FGF12: variants seen among roughly 807,000 people sequenced by gnomAD.
The protein encoded by FGF12 is fibroblast growth factor 12, also known as fibroblast growth factor 12B.
A neutral mutation model predicts 23.6 loss-of-function variants in FGF12; 14 were observed. That is an observed-to-expected ratio of 0.59 (90% confidence interval 0.39 to 0.93). FGF12 has a LOEUF of 0.93. Ranked by LOEUF, FGF12 falls within the 40% of genes least tolerant of loss-of-function variation. FGF12 has a pLI of 0.00. For missense variants in FGF12, 175 were observed against 217.8 expected (o/e 0.80, Z 1.24); for synonymous variants, 62 against 77.3 (o/e 0.80, Z 1.04).
intron 2 of FGF12, among the ~76,000 whole-genome samples, chr3:192,505,374 GA>G (rs1223252533): frequency 1.3e-5 from 2 of 151,982 alleles, no homozygotes; most frequent in Non-Finnish European, 2.9e-5. Flanking sequence ...AATCCTTTTG[GA>G]AAAAATATAT....
intron 2 of FGF12, among the ~76,000 whole-genome samples, chr3:192,602,233 C>A (rs572823685): frequency 6.6e-6 from 1 of 152,062 alleles, no homozygotes; most frequent in African/African-American, 2.4e-5. Flanking sequence ...ACTTTCTGCT[C>A]AATTTTCCTG....
Position 192,307,965 on chromosome 3 carries a change from A to G in FGF12, c.228+27396T>C, listed in dbSNP as rs146409976. On this transcript the variant is annotated intron_variant, in intron 4 of 5. Transcript: ENST00000445105. ...TCATTTTGTGAAGAATAAGACACCA[A>G]AAATATAGTCTGTTTGTAAATATAG... 3.7e-4 allele frequency among the ~76,000 whole-genome samples: 57 copies of G among 152,346 alleles called. 1 individual carries two copies. In the East Asian group the frequency reaches 0.01, roughly 27 times the overall value.
intron 2 of FGF12, among the ~76,000 whole-genome samples, chr3:192,381,178 G>A (rs565606398): frequency 3.9e-5 from 6 of 152,214 alleles, no homozygotes; most frequent in Admixed American, 1.3e-4. Context: ...GACCTAGGTG[G>A]TTGGACATCT....
intron 2 of FGF12, among the ~76,000 whole-genome samples, chr3:192,516,257 C>A (rs1305791108): frequency 6.6e-6 from 1 of 152,166 alleles, no homozygotes; most frequent in African/African-American, 2.4e-5. Flanking sequence ...AGTGTTCATA[C>A]CAGTGAATTT....
intron 2 of FGF12, among the ~76,000 whole-genome samples, chr3:192,610,803 A>C (rs574722623): frequency 2.0e-5 from 3 of 151,968 alleles, no homozygotes; most frequent in Non-Finnish European, 4.4e-5. Flanking sequence ...GTGTGTGGTC[A>C]TGTCTCAAAA....
chr3:192,538,727 G>T (rs1009509911), intron 2 of FGF12, among the ~76,000 whole-genome samples: 1 of 152,054 alleles, frequency 6.6e-6, no homozygotes, highest in Non-Finnish European at 1.5e-5. Flanking sequence ...CATTGCTTTG[G>T]TCAGTATGAA....
Position 192,252,567 on chromosome 3 carries a change from C to T in FGF12, c.229-81911G>A, listed in dbSNP as rs189662411. Among the ~76,000 whole-genome samples the T allele has an allele frequency of 7.2e-3, 1,087 of 150,256 alleles. 8 individuals carry two copies. The highest frequency in any genetic ancestry group is 9.9e-3 in the Non-Finnish European group (672 of 67,652). ...AAGTCTTCTCCAACTCTACAGTGAC[C>T]GAGGAAATAAAAATGTATGTACCTA... On this transcript the variant is annotated intron_variant, in intron 4 of 5. Transcript: ENST00000445105.
At position 192,167,771 on chromosome 3, in the gene FGF12, AAT is replaced by A. The variant is rs1560175684; in HGVS notation, c.427+2685_427+2686del. Reference sequence around the variant, plus strand: ...TATATATATATATATATATATATAAAATTTTTTTTTTTTTTTTTTTTTGAGAA... The same window carrying A: ...TATATATATATATATATATATATAAATTTTTTTTTTTTTTTTTTTTGAGAA... On this transcript the variant is annotated intron_variant, in intron 5 of 5. Coordinates refer to ENST00000445105, the MANE Select transcript of FGF12 (RefSeq NM_004113.6). Among the ~76,000 whole-genome samples, 91 of 21,322 alleles carry A rather than the reference AAT, an allele frequency of 4.3e-3. 10 individuals carry two copies. Among genetic ancestry groups the A allele is most frequent in the East Asian group, 8.5e-3 (5 of 588 alleles). 14.0% of individuals were successfully genotyped at this position (21,322 alleles called of 152,430 possible). A position where few individuals can be genotyped will look rare whatever the true frequency, so the allele number is the denominator to read the frequency against.
At chr3:192,659,592 C>T (rs1716576258) in intron 2 of FGF12, among the ~76,000 whole-genome samples, 2 of 152,096 alleles carry the variant, frequency 1.3e-5, no homozygotes, top group South Asian at 2.1e-4. Flanking sequence ...ATGACATTTG[C>T]TTTTTCCCTA....
At chr3:192,203,724 A>T (rs1181227216) in intron 4 of FGF12, among the ~76,000 whole-genome samples, 1 of 152,066 alleles carries the variant, frequency 6.6e-6, no homozygotes, top group Non-Finnish European at 1.5e-5. Flanking sequence ...TATAGATTAC[A>T]GACTTCCAAG....
intron 5 of FGF12, among the ~76,000 whole-genome samples, chr3:192,162,138 T>A (rs1714915869): frequency 6.6e-6 from 1 of 152,184 alleles, no homozygotes; most frequent in Non-Finnish European, 1.5e-5. Flanking sequence ...GTTAGACTGC[T>A]GTGTTAGTTA....
In FGF12 at chr3:192,161,498, G is replaced by A. The variant is rs991689071; in HGVS notation, c.427+8960C>T. Among the ~76,000 whole-genome samples, 9 of 95,916 alleles carry A rather than the reference G, an allele frequency of 9.4e-5. No homozygotes were observed. In the East Asian group the frequency reaches 2.0e-3, roughly 22 times the overall value. The allele number at this position is 95,916 out of a possible 152,430, so 62.9% of individuals were successfully genotyped here. The stretch of plus-strand genomic sequence containing the variant: ...TTGAATAACTTTAAGGAATGACAAC[G>A]CCTATTTACACACACACACACACAC... On this transcript the variant is annotated intron_variant, in intron 5 of 5. Transcript: ENST00000445105.
chr3:192,339,288 G>A (rs533435021), intron 3 of FGF12, among the ~76,000 whole-genome samples: 1 of 152,234 alleles, frequency 6.6e-6, no homozygotes, highest in Non-Finnish European at 1.5e-5. Flanking sequence ...TGTGGCTCCA[G>A]CTCACAGGAG....
chr3:192,653,274 C>T (rs368623314), intron 2 of FGF12, among the ~76,000 whole-genome samples: 12 of 152,250 alleles, frequency 7.9e-5, no homozygotes, highest in South Asian at 2.1e-4. Flanking sequence ...GGAGTGGTGA[C>T]GAGAAATAAG....
At chr3:192,641,508 G>A (rs569970798) in intron 2 of FGF12, among the ~76,000 whole-genome samples, 6 of 149,464 alleles carry the variant, frequency 4.0e-5, no homozygotes, top group African/African-American at 1.2e-4. Context: ...GGGTTCCAGC[G>A]ATTCTCCTGC....
At chr3:192,168,438 G>A in intron 5 of FGF12, among the ~76,000 whole-genome samples, 1 of 152,086 alleles carries the variant, frequency 6.6e-6, no homozygotes. Context: ...ATCTCAAATT[G>A]CAGGAACCTG....
intron 2 of FGF12, among the ~76,000 whole-genome samples, chr3:192,548,550 T>C (rs1278531436): frequency 6.6e-6 from 1 of 152,168 alleles, no homozygotes; most frequent in African/African-American, 2.4e-5. Flanking sequence ...ACTGTGTGGC[T>C]ATCACCTGTA....
At chr3:192,414,165 G>A (rs1038579446) in intron 2 of FGF12, among the ~76,000 whole-genome samples, 1 of 152,136 alleles carries the variant, frequency 6.6e-6, no homozygotes, top group Non-Finnish European at 1.5e-5. Flanking sequence ...TGGAGAATAG[G>A]TATTTTGATA....
At chr3:192,515,805 AT>A (rs11433242) in intron 2 of FGF12, among the ~76,000 whole-genome samples, 2 of 144,754 alleles carry the variant, frequency 1.4e-5, no homozygotes, top group Admixed American at 6.9e-5. Flanking sequence ...AAAGATCTCG[AT>A]TTTTTTTTCC....
Sources: gnomAD v4.1 joint callset for allele counts (sites outside exome capture counted in the v4.1 genomes callset) on GRCh38, gnomAD v4.1.1 for gene constraint, MANE v1.5 for transcripts, NCBI Gene and HGNC (gene_info 2026-07-23, HGNC 2026-07-21) for gene names.